Variants in SYNPR observed in about 807,000 individuals in gnomAD.
The protein encoded by SYNPR is synaptoporin.
A neutral mutation model predicts 32.9 loss-of-function variants in SYNPR; 23 were observed. The ratio of observed to expected loss-of-function variants is 0.70; its 90% CI spans 0.50 to 0.99. The LOEUF is 0.99. Ranked by LOEUF, SYNPR falls within the 50% of genes least tolerant of loss-of-function variation. SYNPR has a pLI of 0.00. For missense variants in SYNPR, 318 were observed against 349.3 expected, an observed-to-expected ratio of 0.91 and a Z score of 0.71; for synonymous variants, 146 against 135.9, an observed-to-expected ratio of 1.07 and a Z score of -0.52.
chr3:63,478,822 A>G (rs975345195), intron 2 of SYNPR, among the ~76,000 whole-genome samples: 12 of 152,212 alleles, frequency 7.9e-5, no homozygotes, highest in African/African-American at 2.7e-4. Context: ...CCATCATTCC[A>G]TTCTTTCTTA....
At chr3:63,536,727 C>T (rs538191313) in intron 3 of SYNPR, among the ~76,000 whole-genome samples, 1 of 152,216 alleles carries the variant, frequency 6.6e-6, no homozygotes, top group East Asian at 1.9e-4. Flanking sequence ...ACTCAAATAT[C>T]TACCAATTGA....
chr3:63,542,390 A>G (rs1471527738), intron 3 of SYNPR, among the ~76,000 whole-genome samples: 1 of 152,114 alleles, frequency 6.6e-6, no homozygotes, highest in Admixed American at 6.6e-5. Flanking sequence ...AAGATAAGTA[A>G]CACTGCTCGC....
chr3:63,291,533 A>G (rs2106930655), intron 2 of SYNPR, among the ~76,000 whole-genome samples: 1 of 152,220 alleles, frequency 6.6e-6, no homozygotes, highest in Middle Eastern at 3.4e-3. Context: ...GATAGGAGAG[A>G]GGTATGTTTT....
chr3:63,576,136 A>G (rs1702975757), intron 4 of SYNPR, among the ~76,000 whole-genome samples: 1 of 152,308 alleles, frequency 6.6e-6, no homozygotes, highest in East Asian at 1.9e-4. Flanking sequence ...ACTAGATTTT[A>G]AAAAGACCCT....
intron 2 of SYNPR, among the ~76,000 whole-genome samples, chr3:63,307,717 G>C (rs2086921706): frequency 6.6e-6 from 1 of 151,882 alleles, no homozygotes; most frequent in African/African-American, 2.4e-5. Context: ...CAATTTACAA[G>C]TTCTGTAAAT....
chr3:63,268,678 G>A (rs1449483681), intron 3 of SYNPR, among the ~76,000 whole-genome samples: 1 of 142,898 alleles, frequency 7.0e-6, no homozygotes, highest in Non-Finnish European at 1.5e-5. Flanking sequence ...GGAGGAGGAA[G>A]AGGAGGGGTT....
At chr3:63,256,144 C>T (rs1320911776) in intron 2 of SYNPR, among the ~76,000 whole-genome samples, 2 of 152,232 alleles carry the variant, frequency 1.3e-5, no homozygotes, top group African/African-American at 2.4e-5. Flanking sequence ...CCTCTGGGGG[C>T]AGGGCATAGC....
chr3:63,458,661 T>G (rs866515719), intron 2 of SYNPR, among the ~76,000 whole-genome samples: 5 of 152,058 alleles, frequency 3.3e-5, no homozygotes, highest in Non-Finnish European at 5.9e-5. Flanking sequence ...GTTGAGGAAA[T>G]AGATTCCACT....
At chr3:63,307,149 A>G (rs2086917099) in intron 2 of SYNPR, among the ~76,000 whole-genome samples, 1 of 152,012 alleles carries the variant, frequency 6.6e-6, no homozygotes, top group African/African-American at 2.4e-5. Flanking sequence ...ATAATCCAGA[A>G]GAGGAGATAG....
At chr3:63,286,365 G>A (rs2086681352) in intron 2 of SYNPR, among the ~76,000 whole-genome samples, 1 of 152,166 alleles carries the variant, frequency 6.6e-6, no homozygotes, top group African/African-American at 2.4e-5. Flanking sequence ...ACACTTGAAA[G>A]AGACACAGTG....
intron 3 of SYNPR, among the ~76,000 whole-genome samples, chr3:63,532,420 C>T (rs1347218758): frequency 6.6e-6 from 1 of 152,178 alleles, no homozygotes; most frequent in Admixed American, 6.6e-5. Context: ...ACTGATTATC[C>T]ATCCCAGATT....
chr3:63,256,450 G>C (rs150380435), intron 2 of SYNPR, among the ~76,000 whole-genome samples: 2,288 of 152,290 alleles, frequency 0.015, 59 homozygotes, highest in African/African-American at 0.052. Context: ...CTGATACCCA[G>C]GCAAACAGGG....
chr3:63,372,288 G>A (rs552676428), intron 2 of SYNPR, among the ~76,000 whole-genome samples: 1 of 152,182 alleles, frequency 6.6e-6, no homozygotes, highest in Admixed American at 6.5e-5. Context: ...ACCAAGTGAA[G>A]GCCCCAGCTT....
At chr3:63,304,320 C>G (rs2086886262) in intron 2 of SYNPR, among the ~76,000 whole-genome samples, 1 of 150,326 alleles carries the variant, frequency 6.7e-6, no homozygotes, top group Non-Finnish European at 1.5e-5. Context: ...ACCTTGAGAG[C>G]TAAGTAAGCA....
chr3:63,307,985 T>C (rs1472476823), intron 2 of SYNPR, among the ~76,000 whole-genome samples: 2 of 151,814 alleles, frequency 1.3e-5, no homozygotes, highest in East Asian at 3.9e-4. Context: ...TTTATCCAAG[T>C]AAAGGAATTT....
chr3:63,368,760 T>C (rs939427852), intron 2 of SYNPR, among the ~76,000 whole-genome samples: 6 of 152,206 alleles, frequency 3.9e-5, no homozygotes, highest in African/African-American at 1.4e-4. Flanking sequence ...CCTTTGATTT[T>C]GGCTGAAGAA....
rs1298809613 is a variant in SYNPR at position 63,302,553 on chromosome 3, T to C, written c.84+23811T>C. 2.6e-5 allele frequency among the ~76,000 whole-genome samples: 4 copies of C among 152,166 alleles called. No individual in the cohort carries two copies. The East Asian group carries it at 5.8e-4, about 22-fold the overall frequency. ...CTTCTATCTCACTTTAATTCAATGG[T>C]CTTCAAATTATCCAGGCATATGATA... On this transcript the variant is annotated intron_variant, in intron 2 of 5. Transcript: ENST00000478300.
chr3:63,286,265 C>T (rs1441669631), intron 2 of SYNPR, among the ~76,000 whole-genome samples: 1 of 151,716 alleles, frequency 6.6e-6, no homozygotes, highest in Non-Finnish European at 1.5e-5. Context: ...GGAAGAATTG[C>T]AAGCACTTGG....
At chr3:63,281,278 A>G (rs894486629) in intron 2 of SYNPR, among the ~76,000 whole-genome samples, 1 of 152,216 alleles carries the variant, frequency 6.6e-6, no homozygotes, top group Non-Finnish European at 1.5e-5. Flanking sequence ...AAAATATCCC[A>G]GTTTATCCTG....
Sources: allele counts gnomAD v4.1 joint callset (sites outside exome capture counted in the v4.1 genomes callset), GRCh38; gene constraint gnomAD v4.1.1; transcripts MANE v1.5; gene names NCBI Gene and HGNC (gene_info 2026-07-23, HGNC 2026-07-21).